Variants in COL1A2 observed in about 807,000 individuals in gnomAD.
COL1A2 encodes collagen type I alpha 2 chain.
In COL1A2, 49 loss-of-function variants were observed where a neutral mutation model predicts 174.3. The ratio of observed to expected loss-of-function variants is 0.28; its 90% CI spans 0.22 to 0.36. COL1A2 has a LOEUF of 0.36. Among genes scored for constraint, COL1A2 ranks in the 10% least tolerant of loss-of-function variants. The pLI, the probability that COL1A2 is intolerant of heterozygous loss-of-function variation, is 1.00. For synonymous variants in COL1A2, 655 were observed against 606.6 expected, an observed-to-expected ratio of 1.08 and a Z score of -1.17; for missense variants, 1,438 against 1,822.7, an observed-to-expected ratio of 0.79 and a Z score of 3.84.
At chr7:94,401,515 T>G in intron 5 of COL1A2, 52 bp from the exon 6 acceptor site, 2 of 863,260 alleles carry the variant, frequency 2.3e-6, no homozygotes, top group Admixed American at 4.3e-5. Flanking sequence ...ACATGACTAG[T>G]AACTAAAAAT....
chr7:94,405,978 T>C (rs938033127), intron 11 of COL1A2, among the ~76,000 whole-genome samples: 17 of 152,130 alleles, frequency 1.1e-4, no homozygotes, highest in African/African-American at 4.1e-4. Context: ...TATTGAGTAT[T>C]TACAACCGTC....
At position 94,404,852 on chromosome 7, in the gene COL1A2, C is replaced by T; in HGVS notation, c.392C>T (p.Ala131Val). 2 of 1,613,982 alleles carry T rather than the reference C, an allele frequency of 1.2e-6. No homozygotes were observed. Among genetic ancestry groups the T allele is most frequent in the Non-Finnish European group, 1.7e-6 (2 of 1,179,978 alleles). The stretch of plus-strand genomic sequence containing the variant: ...CCATTTTCTTAGGGTCCTGCAGGTG[C>T]TCGTGGTCCAGCTGGCCCTCCTGGC... Reference protein sequence around the residue: ...GEPGQTGPAGARGPAGPPGKA... With the variant: ...GEPGQTGPAGVRGPAGPPGKA... Residue 131 changes from alanine (A) to valine (V), a missense_variant, in exon 9 of 52, where the codon GCT (alanine) becomes GTT (valine). This residue lies in a region of COL1A2 where 281 missense variants were observed against 310.9 expected (regional missense o/e 0.90). Coordinates refer to ENST00000297268, the MANE Select transcript of COL1A2 (RefSeq NM_000089.4).
rs143149858 is a variant in COL1A2, at chr7:94,399,847, G to A, written c.133-349G>A. 2.3e-3 allele frequency among the ~76,000 whole-genome samples: 343 copies of A among 152,128 alleles called. 2 individuals carry two copies. The highest frequency in any genetic ancestry group is 8.0e-3 in the African/African-American group (334 of 41,496). ...AATCAGTTTGTCACAGTCAGAGATC[G>A]GCAATAAAAATACGATGTAAGTCCT... is the stretch of plus-strand genomic sequence containing the variant. On this transcript the variant is annotated intron_variant, in intron 4 of 51. Transcript: ENST00000297268.
At position 94,409,626 on chromosome 7, in the gene COL1A2, G is replaced by C. The variant is rs776451719; in HGVS notation, c.936+18G>C. 2 of 1,614,110 alleles carry C rather than the reference G, an allele frequency of 1.2e-6. No homozygotes were observed. Among genetic ancestry groups the C allele is most frequent in the East Asian group, 2.2e-5 (1 of 44,874 alleles). ...GTGCTGCTGTGAGTATACCTGCGTA[G>C]CTAAAATGTGCTGCTATGATTTTAA... is the stretch of plus-strand genomic sequence containing the variant. On this transcript the variant is annotated intron_variant, in intron 18 of 51. Coordinates refer to ENST00000297268, the MANE Select transcript of COL1A2 (RefSeq NM_000089.4).
intron 29 of COL1A2, among the ~76,000 whole-genome samples, chr7:94,414,593 A>G (rs540111896): frequency 2.0e-4 from 31 of 152,336 alleles, no homozygotes; most frequent in African/African-American, 6.7e-4. Flanking sequence ...CCCCATAGTG[A>G]AAAAGTAAAT....
At chr7:94,405,115 C>T (rs1380883309) in intron 9 of COL1A2, 84 bp from the exon 10 acceptor site, 1 of 1,386,852 alleles carries the variant, frequency 7.2e-7, no homozygotes, top group African/African-American at 1.4e-5. Flanking sequence ...ATAACTTTCT[C>T]CCCTTTTGTA....
intron 12 of COL1A2, among the ~76,000 whole-genome samples, chr7:94,406,978 C>G (rs1791814416): frequency 6.6e-6 from 1 of 152,160 alleles, no homozygotes. Flanking sequence ...AGCTGCCACA[C>G]AAATGGATAA....
At position 94,431,154 on chromosome 7, in the gene COL1A2, T is replaced by C. The variant is rs913294313; in HGVS notation, c.*761T>C. ...GCAAGCAGAAAAATTAAATTGTACCTATTTTGTATATGTGAGATGTTTAAA... is the reference window on the plus strand; with the variant it reads ...GCAAGCAGAAAAATTAAATTGTACCCATTTTGTATATGTGAGATGTTTAAA... On this transcript the variant is annotated 3_prime_UTR_variant, in exon 52 of 52. Coordinates refer to ENST00000297268, the MANE Select transcript of COL1A2 (RefSeq NM_000089.4). 24 of 152,622 alleles carry C rather than the reference T, an allele frequency of 1.6e-4. No homozygotes were observed. The highest frequency in any genetic ancestry group is 3.2e-4 in the Non-Finnish European group (22 of 68,046). 9.5% of individuals were successfully genotyped at this position (152,622 alleles called of 1,614,324 possible).
chr7:94,412,693 C>T lies in COL1A2; in HGVS notation c.1503+11C>T, dbSNP rs538640615. 25 of 1,609,534 alleles carry T rather than the reference C, an allele frequency of 1.6e-5. No homozygotes were observed. In the East Asian group the frequency reaches 3.1e-4, roughly 20 times the overall value. On this transcript the variant is annotated intron_variant, in intron 25 of 51. Coordinates refer to ENST00000297268, the MANE Select transcript of COL1A2 (RefSeq NM_000089.4). ...CCCAAAGGCCCCACTGTAAGAATCA[C>T]CACAACTTTCTTACCCTCAGCACTT...
chr7:94,422,572 TAA>T (rs56747800), intron 39 of COL1A2: 4,855 of 178,432 alleles, frequency 0.027, no homozygotes, highest in South Asian at 0.056. Flanking sequence ...TGGCTTTCTT[TAA>T]AAAAAAAAAA....
In COL1A2 at chr7:94,410,821, T is replaced by A. The variant is rs389328; in HGVS notation, c.1198-68T>A. ...CCTGTAAGGAGATCATGCTATTTTT[T>A]ACAAACTCTACCTTATCAAAGCCAA... On this transcript the variant is annotated intron_variant, in intron 21 of 51. Transcript: ENST00000297268. The A allele has an allele frequency of 0.86, 1,337,935 of 1,548,134 alleles. 579,230 individuals are homozygous for A. Among genetic ancestry groups the A allele is most frequent in the East Asian group, 0.99 (43,917 of 44,546 alleles).
chr7:94,408,501 C>A (rs937770024), intron 15 of COL1A2, 121 bp downstream of exon 15: 5 of 1,245,940 alleles, frequency 4.0e-6, no homozygotes, highest in Non-Finnish European at 4.7e-6. Context: ...TCTGTGAGGT[C>A]TTTTGAAGGC....
At chr7:94,410,992 G>T in intron 22 of COL1A2, 50 bp downstream of exon 22, 1 of 1,610,430 alleles carries the variant, frequency 6.2e-7, no homozygotes, top group Non-Finnish European at 8.5e-7. Context: ...TGCTTCTGGT[G>T]GTGGGTGTGT....
At chr7:94,424,526 C>A in intron 41 of COL1A2, 83 bp downstream of exon 41, 1 of 1,205,718 alleles carries the variant, frequency 8.3e-7, no homozygotes, top group Non-Finnish European at 1.2e-6. Flanking sequence ...AGATTGATCA[C>A]TGAATAACTT....
In COL1A2 at chr7:94,412,653, A is replaced by G. The variant is rs776551401; in HGVS notation, c.1474A>G (p.Ile492Val). Reference protein sequence around the residue: ...PAGARGEPGNIGFPGPKGPTG... With the variant: ...PAGARGEPGNVGFPGPKGPTG... ...TGGAGCAAGAGGAGAGCCTGGCAAC[A>G]TTGGATTCCCTGGACCCAAAGGCCC... is the stretch of plus-strand genomic sequence containing the variant. The change falls in exon 25 of 52, where the codon ATT (isoleucine) becomes GTT (valine). Residue 492 changes from isoleucine to valine, a missense_variant. Physicochemically the swap from Ile to Val is conservative, Grantham distance 29. This residue lies in a region of COL1A2 where 867 missense variants were observed against 1,213.7 expected (regional missense o/e 0.71). Coordinates refer to ENST00000297268, the MANE Select transcript of COL1A2 (RefSeq NM_000089.4). The G allele has an allele frequency of 3.4e-5, 55 of 1,614,042 alleles. No homozygotes were observed. The African/African-American group carries it at 6.3e-4, about 18-fold the overall frequency.
intron 25 of COL1A2, 65 bp downstream of exon 25, chr7:94,412,747 T>C: frequency 7.3e-7 from 1 of 1,365,204 alleles, no homozygotes; most frequent in Non-Finnish European, 1.0e-6. Flanking sequence ...CAAACTCTAG[T>C]ATTTATCTCC....
intron 5 of COL1A2, 26 bp downstream of exon 5, chr7:94,400,314 T>C: frequency 6.3e-7 from 1 of 1,588,840 alleles, no homozygotes; most frequent in Non-Finnish European, 8.6e-7. Flanking sequence ...TATTGCTAAC[T>C]TTTAGCTAAC....
At chr7:94,414,001 A>G in intron 28 of COL1A2, 54 bp downstream of exon 28, 5 of 1,489,656 alleles carry the variant, frequency 3.4e-6, no homozygotes, top group Non-Finnish European at 4.7e-6. Flanking sequence ...ATTGAGCTGT[A>G]AATCACCATA....
chr7:94,401,572 T>C lies in COL1A2; in HGVS notation c.231T>C (p.Phe77=). The C allele has an allele frequency of 6.7e-7, 1 of 1,484,976 alleles. No homozygotes were observed. Among genetic ancestry groups the C allele is most frequent in the Non-Finnish European group, 9.0e-7 (1 of 1,110,454 alleles). 92.0% of individuals were successfully genotyped at this position (1,484,976 alleles called of 1,614,324 possible). The change falls in exon 6 of 52, where the codon TTT becomes TTC. Residue 77 remains phenylalanine (F), a synonymous_variant. Coordinates refer to ENST00000297268, the MANE Select transcript of COL1A2 (RefSeq NM_000089.4). ...PPGPPGLGGN[F]AAQYDGKGVG... ...TTTTTTTTTTACTTCTCTAGAACTT[T>C]GCTGCTCAGTATGATGGAAAAGGAG...
Sources: gnomAD v4.1 joint callset for allele counts (sites outside exome capture counted in the v4.1 genomes callset) on GRCh38, gnomAD v4.1.1 for gene constraint, gnomAD v4.1.1 regional missense constraint, MANE v1.5 for transcripts, NCBI Gene and HGNC (gene_info 2026-07-23, HGNC 2026-07-21) for gene names.